Variants in NR2F1-AS1 observed in about 807,000 individuals in gnomAD.
The protein encoded by NR2F1-AS1 is NR2F1 antisense RNA 1.
chr5:93,528,846 A>T (rs973530002), intron 4 of NR2F1-AS1, among the ~76,000 whole-genome samples: 1 of 151,808 alleles, frequency 6.6e-6, no homozygotes, highest in Non-Finnish European at 1.5e-5. Context: ...GGAATTGAAC[A>T]ATGAGAACAC....
In NR2F1-AS1 at chr5:93,579,479, G is replaced by A. The variant is rs1222294287; in HGVS notation, n.313+988C>T. On this transcript the variant is annotated intron_variant and non_coding_transcript_variant, in intron 1 of 5. Coordinates refer to ENST00000660523, the Ensembl canonical transcript of NR2F1-AS1. The surrounding 1 kb of genome is among the most constrained non-coding windows in gnomAD (Gnocchi z 5.1). ...GGAGAGCCCACAGTAAGGATGGGTG[G>A]GCGCCTCTGCTCCCGGGCAGGCTCA... Among the ~76,000 whole-genome samples the A allele has an allele frequency of 2.6e-5, 4 of 152,144 alleles. No individual in the cohort carries two copies. The highest frequency in any genetic ancestry group is 2.6e-4 in the Admixed American group (4 of 15,282).
intron 4 of NR2F1-AS1, among the ~76,000 whole-genome samples, chr5:93,523,926 C>A (rs920334142): frequency 6.6e-6 from 1 of 151,748 alleles, no homozygotes; most frequent in African/African-American, 2.4e-5. Flanking sequence ...CTGAAAATTC[C>A]AAAAAACAGA....
chr5:93,530,075 C>CTTTTTTT (rs1227046832), intron 4 of NR2F1-AS1, among the ~76,000 whole-genome samples: 12 of 97,922 alleles, frequency 1.2e-4, no homozygotes, highest in African/African-American at 2.4e-4. Context: ...AATTTGAAGG[C>CTTTTTTT]TTTTTTTTTT....
chr5:93,545,394 G>A (rs528504225), intron 4 of NR2F1-AS1, among the ~76,000 whole-genome samples: 1 of 152,266 alleles, frequency 6.6e-6, no homozygotes, highest in East Asian at 1.9e-4. Flanking sequence ...GAAAAATAGA[G>A]GAGTACTTGG....
intron 4 of NR2F1-AS1, among the ~76,000 whole-genome samples, chr5:93,454,046 G>A (rs1048223640): frequency 2.6e-5 from 4 of 152,162 alleles, no homozygotes; most frequent in Admixed American, 2.0e-4. Context: ...AGAGGTCGAG[G>A]CAGGATTGCT....
At chr5:93,526,137 G>A (rs555699310) in intron 4 of NR2F1-AS1, among the ~76,000 whole-genome samples, 2 of 151,862 alleles carry the variant, frequency 1.3e-5, no homozygotes, top group African/African-American at 4.8e-5. Flanking sequence ...AAAGAGAGAA[G>A]AATCAAATAA....
chr5:93,488,536 A>G (rs980613798), intron 4 of NR2F1-AS1, among the ~76,000 whole-genome samples: 1 of 152,228 alleles, frequency 6.6e-6, no homozygotes, highest in South Asian at 2.1e-4. Context: ...AATCAAAACT[A>G]CAATGAGATA....
chr5:93,422,998 G>T (rs571550094), intron 4 of NR2F1-AS1, among the ~76,000 whole-genome samples: 2 of 152,244 alleles, frequency 1.3e-5, no homozygotes, highest in South Asian at 4.1e-4. Context: ...TGGGTGAGGG[G>T]TTCCTTCATT....
chr5:93,450,573 T>C (rs1198145265), intron 4 of NR2F1-AS1, among the ~76,000 whole-genome samples: 2 of 152,210 alleles, frequency 1.3e-5, no homozygotes, highest in Non-Finnish European at 2.9e-5. Context: ...AAAAGATCTA[T>C]ATCACAATCA....
At chr5:93,562,183 C>CAAAAAAAAA (rs750644394) in intron 2 of NR2F1-AS1, among the ~76,000 whole-genome samples, 2 of 50,598 alleles carry the variant, frequency 4.0e-5, no homozygotes, top group Non-Finnish European at 4.3e-5. Context: ...CCCATCTCTA[C>CAAAAAAAAA]AAAAAAAAAA....
intron 4 of NR2F1-AS1, among the ~76,000 whole-genome samples, chr5:93,414,926 A>G (rs1290684437): frequency 6.6e-6 from 1 of 152,216 alleles, no homozygotes; most frequent in African/African-American, 2.4e-5. Flanking sequence ...AAAAAAAGTT[A>G]GGAGTACAAC....
chr5:93,418,616 T>C, intron 4 of NR2F1-AS1, among the ~76,000 whole-genome samples: 1 of 151,806 alleles, frequency 6.6e-6, no homozygotes, highest in East Asian at 1.9e-4. Context: ...AATAAATAAA[T>C]AAATAAAAAC....
At chr5:93,456,658 ATT>A (rs75556353) in intron 4 of NR2F1-AS1, among the ~76,000 whole-genome samples, 19 of 146,004 alleles carry the variant, frequency 1.3e-4, no homozygotes, top group African/African-American at 3.7e-4. Flanking sequence ...TACATTTTTA[ATT>A]TTTTTTTTTT....
rs139893270 is a variant in NR2F1-AS1 at position 93,415,321 on chromosome 5, A to G, written n.639-19779T>C. Among the ~76,000 whole-genome samples the G allele has an allele frequency of 3.8e-4, 58 of 152,268 alleles. 1 individual carries two copies. In the South Asian group the frequency reaches 8.3e-3, roughly 22 times the overall value. On this transcript the variant is annotated intron_variant and non_coding_transcript_variant, in intron 4 of 5. Transcript: ENST00000660523. ...GGGGGAGGTAGAGTGGGGGTCTCAT[A>G]TCCCTGGTTTCTAGCACAGTACCTG... is the stretch of plus-strand genomic sequence containing the variant.
chr5:93,489,463 A>G (rs972991900), intron 4 of NR2F1-AS1, among the ~76,000 whole-genome samples: 3 of 152,080 alleles, frequency 2.0e-5, no homozygotes, highest in African/African-American at 7.2e-5. Flanking sequence ...CACAAAATAG[A>G]CTACAGTATA....
intron 4 of NR2F1-AS1, among the ~76,000 whole-genome samples, chr5:93,503,801 C>CAG (rs1751131870): frequency 6.6e-6 from 1 of 152,194 alleles, no homozygotes; most frequent in Non-Finnish European, 1.5e-5. Flanking sequence ...ACTCCATGAG[C>CAG]AGAGGACTTT....
At chr5:93,541,632 G>A (rs966747952) in intron 4 of NR2F1-AS1, among the ~76,000 whole-genome samples, 2 of 152,062 alleles carry the variant, frequency 1.3e-5, no homozygotes, top group African/African-American at 2.4e-5. Context: ...GGATATAATC[G>A]AAAATTTGAA....
intron 4 of NR2F1-AS1, among the ~76,000 whole-genome samples, chr5:93,480,582 C>T (rs988287927): frequency 1.3e-5 from 2 of 152,114 alleles, no homozygotes; most frequent in African/African-American, 4.8e-5. Flanking sequence ...AAGGTAACTA[C>T]ATAGGTAAAT....
upstream of NR2F1-AS1, chr5:93,584,969 C>T: frequency 5.7e-6 from 5 of 882,366 alleles, no homozygotes; most frequent in Non-Finnish European, 6.8e-6. Context: ...CCCGCGCGCC[C>T]CGCGGCCCTC....
Sources: allele counts gnomAD v4.1 joint callset (sites outside exome capture counted in the v4.1 genomes callset), GRCh38; gene constraint gnomAD v4.1.1; non-coding constraint Gnocchi (gnomAD v3.1); transcripts MANE v1.5; gene names NCBI Gene and HGNC (gene_info 2026-07-23, HGNC 2026-07-21).